Variants in KATNAL1 observed in about 807,000 individuals in gnomAD.
The protein encoded by KATNAL1 is katanin catalytic subunit A1 like 1.
Under a neutral mutation model 55.2 loss-of-function variants are expected in KATNAL1, and 32 were observed. That is an observed-to-expected ratio of 0.58 (90% CI 0.44 to 0.78). The LOEUF is 0.78. KATNAL1 is among the 30% of genes least tolerant of loss of function. The probability of loss-of-function intolerance (pLI) is 0.00; values close to 1 mark genes in which losing one functional copy is unlikely to be tolerated. For synonymous variants in KATNAL1, 193 were observed against 193.6 expected (o/e 1.00, Z 0.02); for missense variants, 466 against 600.9 (o/e 0.78, Z 2.35).
chr13:30,295,484 T>C (rs934649812), intron 1 of KATNAL1, among the ~76,000 whole-genome samples: 6 of 151,798 alleles, frequency 4.0e-5, no homozygotes, highest in Non-Finnish European at 7.4e-5. Context: ...ATAAACGGGG[T>C]AGGGCACAGT....
At position 30,296,874 on chromosome 13, in the gene KATNAL1, G is replaced by C. The variant is rs549848041; in HGVS notation, c.-15+10457C>G. On this transcript the variant is annotated intron_variant, in intron 1 of 10. Transcript: ENST00000380615. Reference sequence around the variant, plus strand: ...CCAAACACCACAGTCTGGGACCCTGGAGGGCTAGGCCAAGGCCTTCTCATG... The same window carrying C: ...CCAAACACCACAGTCTGGGACCCTGCAGGGCTAGGCCAAGGCCTTCTCATG... 203 of 348,598 alleles carry C rather than the reference G, an allele frequency of 5.8e-4. 2 individuals are homozygous for C. The highest frequency in any genetic ancestry group is 4.2e-3 in the African/African-American group (194 of 46,736). The allele number at this position is 348,598 out of a possible 1,614,324, so 21.6% of individuals were successfully genotyped here.
intron 3 of KATNAL1, among the ~76,000 whole-genome samples, chr13:30,277,738 C>T (rs574825514): frequency 6.6e-6 from 1 of 152,168 alleles, no homozygotes; most frequent in South Asian, 2.1e-4. Context: ...AATCCCAGCA[C>T]TTTGGGAGGC....
Position 30,255,754 on chromosome 13 carries a change from T to C in KATNAL1, c.324-139A>G, listed in dbSNP as rs1015187831. ...AATTTTTTCACCTTTGGCCAATTCA[T>C]GGCCACAACTATTAGGTTAGTTTTC... On this transcript the variant is annotated intron_variant, in intron 3 of 10. Coordinates refer to ENST00000380615, the MANE Select transcript of KATNAL1 (RefSeq NM_032116.5). 1.7e-5 allele frequency: 12 copies of C among 702,552 alleles called. No individual in the cohort carries two copies. The African/African-American group carries it at 1.9e-4, about 11-fold the overall frequency. The allele number at this position is 702,552 out of a possible 1,614,324, so 43.5% of individuals were successfully genotyped here.
chr13:30,300,780 A>G (rs1446117866), intron 1 of KATNAL1, among the ~76,000 whole-genome samples: 1 of 152,236 alleles, frequency 6.6e-6, no homozygotes, highest in Non-Finnish European at 1.5e-5. Context: ...AATAATAAAG[A>G]AAACAACCAC....
rs948619601 is a variant in KATNAL1, at chr13:30,227,407, C to A, written c.1147+5G>T. On this transcript the variant is annotated splice_donor_5th_base_variant and intron_variant, in intron 9 of 10. Coordinates refer to ENST00000380615, the MANE Select transcript of KATNAL1 (RefSeq NM_032116.5). Reference sequence around the variant, plus strand: ...AGAAAGCTCAAAATAGAGAAGACATCATACCTGTTGGGAGAGGTATATATA... The same window carrying A: ...AGAAAGCTCAAAATAGAGAAGACATAATACCTGTTGGGAGAGGTATATATA... 1 of 1,612,500 alleles carries A rather than the reference C, an allele frequency of 6.2e-7. No individual in the cohort carries two copies. The highest frequency in any genetic ancestry group is 8.5e-7 in the Non-Finnish European group (1 of 1,179,082).
At chr13:30,304,514 C>T (rs1172831193) in intron 1 of KATNAL1, among the ~76,000 whole-genome samples, 2 of 152,118 alleles carry the variant, frequency 1.3e-5, no homozygotes, top group Non-Finnish European at 2.9e-5. Context: ...CTGATCTGCC[C>T]GCCTCAGCCT....
chr13:30,274,892 CGCGCG>C (rs1566122289), intron 3 of KATNAL1, among the ~76,000 whole-genome samples: 38 of 88,150 alleles, frequency 4.3e-4, no homozygotes, highest in Non-Finnish European at 6.4e-4. Flanking sequence ...CACACACATA[CGCGCG>C]CGCGCGCGCG....
chr13:30,302,608 C>T (rs571960284), intron 1 of KATNAL1, among the ~76,000 whole-genome samples: 2 of 152,248 alleles, frequency 1.3e-5, no homozygotes, highest in African/African-American at 4.8e-5. Context: ...TATTGAAATA[C>T]AGCAAATGAA....
intron 1 of KATNAL1, among the ~76,000 whole-genome samples, chr13:30,285,498 C>T (rs1056759771): frequency 3.3e-5 from 5 of 152,282 alleles, no homozygotes; most frequent in African/African-American, 1.2e-4. Flanking sequence ...GAGGTGCCTT[C>T]CCCCATGATT....
rs186579458 is a variant in KATNAL1 at position 30,223,861 on chromosome 13, T to A, written c.1147+3551A>T. 4.6e-5 allele frequency among the ~76,000 whole-genome samples: 7 copies of A among 152,288 alleles called. No individual in the cohort carries two copies. In the East Asian group the frequency reaches 1.3e-3, roughly 29 times the overall value. On this transcript the variant is annotated intron_variant, in intron 9 of 10. Transcript: ENST00000380615. ...TTTGAATAATACTAACACACCAACT[T>A]CATCTAGCTGACATTTATAGAATGT...
intron 9 of KATNAL1, among the ~76,000 whole-genome samples, chr13:30,220,893 T>A (rs544889776): frequency 6.6e-6 from 1 of 150,382 alleles, no homozygotes; most frequent in Non-Finnish European, 1.5e-5. Context: ...AGAGACAGGG[T>A]TTCTCATATC....
At chr13:30,215,882 A>C (rs1442319281) in intron 9 of KATNAL1, among the ~76,000 whole-genome samples, 1 of 152,174 alleles carries the variant, frequency 6.6e-6, no homozygotes, top group Non-Finnish European at 1.5e-5. Context: ...ATATGTAACT[A>C]ACCTGCCCAT....
intron 3 of KATNAL1, among the ~76,000 whole-genome samples, chr13:30,261,642 G>C (rs1400139358): frequency 2.6e-5 from 4 of 152,162 alleles, no homozygotes; most frequent in African/African-American, 9.6e-5. Context: ...AATGGTAAAG[G>C]GATCAATTCA....
chr13:30,208,514 C>T lies in KATNAL1; in HGVS notation c.*26G>A. 1 of 1,449,046 alleles carries T rather than the reference C, an allele frequency of 6.9e-7. No individual in the cohort carries two copies. 89.8% of individuals were successfully genotyped at this position (1,449,046 alleles called of 1,614,324 possible). On this transcript the variant is annotated 3_prime_UTR_variant, in exon 11 of 11. Coordinates refer to ENST00000380615, the MANE Select transcript of KATNAL1 (RefSeq NM_032116.5). ...TCTTCGTATTTTATCAACAAAAATACCAGAAATTAAAGAGCTGACAGAAAT... is the reference window on the plus strand; with the variant it reads ...TCTTCGTATTTTATCAACAAAAATATCAGAAATTAAAGAGCTGACAGAAAT...
At chr13:30,227,606 CAATT>C (rs1396581379) in intron 8 of KATNAL1, 60 bp from the exon 9 acceptor site, 2 of 1,554,784 alleles carry the variant, frequency 1.3e-6, no homozygotes, top group Non-Finnish European at 1.8e-6. Flanking sequence ...TTCTTTCATT[CAATT>C]AACATTTCTT....
chr13:30,267,870 C>G (rs1879902231), intron 3 of KATNAL1, among the ~76,000 whole-genome samples: 1 of 152,162 alleles, frequency 6.6e-6, no homozygotes, highest in African/African-American at 2.4e-5. Context: ...GATTTATTGA[C>G]ACAAGTGAGA....
chr13:30,208,952 C>T (rs1873405285), intron 10 of KATNAL1, among the ~76,000 whole-genome samples: 1 of 152,010 alleles, frequency 6.6e-6, no homozygotes, highest in Non-Finnish European at 1.5e-5. Flanking sequence ...GTTAACGAAC[C>T]CTAAAAGTCT....
intron 3 of KATNAL1, among the ~76,000 whole-genome samples, chr13:30,274,619 C>T (rs1044559892): frequency 5.3e-5 from 8 of 152,130 alleles, no homozygotes; most frequent in Non-Finnish European, 1.2e-4. Context: ...AGACCTACCA[C>T]TTGGAATAAA....
chr13:30,249,093 G>A (rs1878062414), intron 4 of KATNAL1, among the ~76,000 whole-genome samples: 1 of 151,986 alleles, frequency 6.6e-6, no homozygotes. Flanking sequence ...TTAGCCGGCT[G>A]TGGTGGCAGA....
Sources: gnomAD v4.1 joint callset for allele counts (sites outside exome capture counted in the v4.1 genomes callset) on GRCh38, gnomAD v4.1.1 for gene constraint, MANE v1.5 for transcripts, NCBI Gene and HGNC (gene_info 2026-07-23, HGNC 2026-07-21) for gene names.